Variants in WDR70 observed in about 807,000 individuals in gnomAD.
WDR70 encodes WD repeat domain 70.
A neutral mutation model predicts 88.6 loss-of-function variants in WDR70; 53 were observed. That is an observed-to-expected ratio of 0.60 (90% CI 0.48 to 0.75). The LOEUF is 0.75. Ranked by LOEUF, WDR70 falls within the 30% of genes least tolerant of loss-of-function variation. The pLI, the probability that WDR70 is intolerant of heterozygous loss-of-function variation, is 0.00. For missense variants in WDR70, 610 were observed against 823.2 expected (o/e 0.74, Z 3.17); for synonymous variants, 280 against 270.0 (o/e 1.04, Z -0.36).
At chr5:37,556,020 A>G (rs933098679) in intron 9 of WDR70, among the ~76,000 whole-genome samples, 9 of 152,122 alleles carry the variant, frequency 5.9e-5, no homozygotes, top group Non-Finnish European at 1.2e-4. Flanking sequence ...CACCCAGCCA[A>G]TGTTCAGTTT....
rs532178186 is a variant in WDR70, at chr5:37,463,270, T to A, written c.687-16564T>A. ...CTGGGTGACAGAGTGAGATTCTGTA[T>A]CGAAAAAAAAAAAAAGACTGAGTCT... is the stretch of plus-strand genomic sequence containing the variant. On this transcript the variant is annotated intron_variant, in intron 7 of 17. Transcript: ENST00000265107. Among the ~76,000 whole-genome samples, 16 of 36,204 alleles carry A rather than the reference T, an allele frequency of 4.4e-4. No individual in the cohort carries two copies. In the East Asian group the frequency reaches 0.076, roughly 171 times the overall value. The allele number at this position is 36,204 out of a possible 152,430, so 23.8% of individuals were successfully genotyped here.
At chr5:37,611,161 T>C (rs1263344347) in intron 10 of WDR70, among the ~76,000 whole-genome samples, 1 of 152,184 alleles carries the variant, frequency 6.6e-6, no homozygotes, top group Non-Finnish European at 1.5e-5. Flanking sequence ...AAATTTGCTT[T>C]TAGTGGGTTT....
intron 8 of WDR70, among the ~76,000 whole-genome samples, chr5:37,482,734 G>T (rs1739711741): frequency 6.6e-6 from 1 of 152,164 alleles, no homozygotes; most frequent in African/African-American, 2.4e-5. Context: ...GGATCAGAGG[G>T]CCAGCTCAAA....
chr5:37,743,351 G>A (rs1748541759), intron 17 of WDR70, among the ~76,000 whole-genome samples: 1 of 152,206 alleles, frequency 6.6e-6, no homozygotes, highest in Admixed American at 6.5e-5. Context: ...CCTAACCCCG[G>A]AATGTGCAGA....
intron 7 of WDR70, among the ~76,000 whole-genome samples, chr5:37,448,666 TC>T (rs1738573064): frequency 6.6e-6 from 1 of 152,216 alleles, no homozygotes; most frequent in African/African-American, 2.4e-5. Flanking sequence ...CATCTTATGG[TC>T]CATTTGTCAC....
chr5:37,556,285 C>G (rs1046217706), intron 9 of WDR70, among the ~76,000 whole-genome samples: 2 of 151,978 alleles, frequency 1.3e-5, no homozygotes, highest in Non-Finnish European at 2.9e-5. Context: ...TGACCAATTC[C>G]GTGGTAGCTA....
intron 10 of WDR70, among the ~76,000 whole-genome samples, chr5:37,648,271 T>C (rs899576617): frequency 2.4e-4 from 37 of 152,196 alleles, no homozygotes; most frequent in Admixed American, 2.0e-4. Context: ...CTGAGCTCTA[T>C]GAAAGCAGAG....
In WDR70 at chr5:37,657,219, G is replaced by A. The variant is rs140587206; in HGVS notation, c.1093-40436G>A. Among the ~76,000 whole-genome samples, 66 of 152,262 alleles carry A rather than the reference G, an allele frequency of 4.3e-4. 2 individuals are homozygous for A. In the East Asian group the frequency reaches 8.5e-3, roughly 20 times the overall value. ...GGAGTGTACCATTCCTCACAGCAGGGTCCCTCATGGTTTCCCTTGGCCAGG... is the reference window on the plus strand; with the variant it reads ...GGAGTGTACCATTCCTCACAGCAGGATCCCTCATGGTTTCCCTTGGCCAGG... On this transcript the variant is annotated intron_variant, in intron 10 of 17. Coordinates refer to ENST00000265107, the MANE Select transcript of WDR70 (RefSeq NM_018034.4).
intron 10 of WDR70, 31 bp from the exon 11 acceptor site, chr5:37,697,624 A>T: frequency 6.4e-7 from 1 of 1,567,566 alleles, no homozygotes. Flanking sequence ...TTGAGGTGAG[A>T]TATTAACACT....
intron 7 of WDR70, among the ~76,000 whole-genome samples, chr5:37,444,061 A>G (rs890441517): frequency 6.6e-6 from 1 of 151,530 alleles, no homozygotes; most frequent in African/African-American, 2.4e-5. Flanking sequence ...AGGCAGGAGA[A>G]TTGCTTGAAC....
intron 9 of WDR70, among the ~76,000 whole-genome samples, chr5:37,589,230 A>G (rs1412899369): frequency 7.2e-6 from 1 of 138,378 alleles, no homozygotes; most frequent in African/African-American, 2.7e-5. Flanking sequence ...ATACATACAT[A>G]CATATATACC....
At chr5:37,748,575 A>G (rs533470733) in intron 17 of WDR70, among the ~76,000 whole-genome samples, 2 of 152,242 alleles carry the variant, frequency 1.3e-5, no homozygotes, top group Non-Finnish European at 2.9e-5. Context: ...CATGACAAAA[A>G]TGCCAAGAGC....
intron 2 of WDR70, 66 bp from the exon 3 acceptor site, chr5:37,381,536 T>C: frequency 4.6e-6 from 6 of 1,300,986 alleles, no homozygotes; most frequent in Non-Finnish European, 6.6e-6. Flanking sequence ...TGATCAGTAT[T>C]GATCACCTAA....
intron 10 of WDR70, among the ~76,000 whole-genome samples, chr5:37,634,517 A>C (rs1581452572): frequency 6.6e-6 from 1 of 152,104 alleles, no homozygotes; most frequent in East Asian, 1.9e-4. Flanking sequence ...TGATATGGAG[A>C]GGGAAGTCTA....
chr5:37,734,434 A>G (rs1581535956), intron 17 of WDR70, among the ~76,000 whole-genome samples: 1 of 152,144 alleles, frequency 6.6e-6, no homozygotes, highest in African/African-American at 2.4e-5. Context: ...CTGAACACCA[A>G]CTATGTGTTA....
intron 10 of WDR70, among the ~76,000 whole-genome samples, chr5:37,615,880 C>T (rs1046806960): frequency 1.2e-4 from 18 of 152,204 alleles, no homozygotes; most frequent in South Asian, 2.1e-4. Context: ...TTGCGTCTCT[C>T]GCTTTCATTC....
chr5:37,696,655 G>T (rs1746991259), intron 10 of WDR70, among the ~76,000 whole-genome samples: 1 of 152,162 alleles, frequency 6.6e-6, no homozygotes, highest in Admixed American at 6.5e-5. Flanking sequence ...GTGTGTGTGG[G>T]TACACAGGTA....
At chr5:37,731,957 G>C (rs756664991) in intron 17 of WDR70, among the ~76,000 whole-genome samples, 5 of 151,060 alleles carry the variant, frequency 3.3e-5, no homozygotes, top group Non-Finnish European at 5.9e-5. Context: ...CCTGGCCTTA[G>C]AATTTCCAGG....
chr5:37,402,543 A>G (rs1210954865), intron 5 of WDR70, among the ~76,000 whole-genome samples: 1 of 152,152 alleles, frequency 6.6e-6, no homozygotes, highest in African/African-American at 2.4e-5. Context: ...TGGGGTATAT[A>G]TGACAATTTG....
Sources: allele counts gnomAD v4.1 joint callset (sites outside exome capture counted in the v4.1 genomes callset), GRCh38; gene constraint gnomAD v4.1.1; transcripts MANE v1.5; gene names NCBI Gene and HGNC (gene_info 2026-07-23, HGNC 2026-07-21).